Variants in NEB observed in about 807,000 individuals in gnomAD.
The protein encoded by NEB is nemaline myopathy type 2.
In NEB, 512 loss-of-function variants were observed where a neutral mutation model predicts 952.2. The observed-to-expected ratio is 0.54, with a 90% confidence interval of 0.50 to 0.58. The LOEUF is 0.58. Among genes scored for constraint, NEB ranks in the 20% least tolerant of loss-of-function variants. The probability of loss-of-function intolerance (pLI) is 0.00; values close to 1 mark genes in which losing one functional copy is unlikely to be tolerated. For synonymous variants in NEB, 2,900 were observed against 3,149.8 expected (o/e 0.92, Z 2.66); for missense variants, 8,428 against 9,231.1 (o/e 0.91, Z 3.56).
intron 176 of NEB, chr2:151,492,744 TG>T: frequency 3.2e-6 from 1 of 307,710 alleles, no homozygotes; most frequent in Non-Finnish European, 6.0e-6. Flanking sequence ...GGTATAATTT[TG>T]AAAAGAGAGT....
Position 151,677,785 on chromosome 2 carries a change from G to C in NEB, c.3568-14C>G. 6.2e-7 allele frequency: 1 copy of C among 1,613,814 alleles called. No homozygotes were observed. The highest frequency in any genetic ancestry group is 2.2e-5 in the East Asian group (1 of 44,882). ...CTTGTAGACGTTCTACAGCAATGGA[G>C]AAAAGAGGAGTGAGGGCCTAGGACA... On this transcript the variant is annotated splice_polypyrimidine_tract_variant and intron_variant, in intron 33 of 181. Transcript: ENST00000397345.
At position 151,642,573 on chromosome 2, in the gene NEB, C is replaced by G; in HGVS notation, c.8373+1G>C. On this transcript the variant is annotated splice_donor_variant, in intron 60 of 181. Coordinates refer to ENST00000397345, the MANE Select transcript of NEB (RefSeq NM_001164508.2). LOFTEE classifies it high-confidence loss of function. ...GCAAATAACTTTCCAAGTATACTTA[C>G]TTCACTTGCAATATCTCTGGAGGCC... 1.2e-6 allele frequency: 2 copies of G among 1,607,158 alleles called. No individual in the cohort carries two copies. Among genetic ancestry groups the G allele is most frequent in the Non-Finnish European group, 1.7e-6 (2 of 1,175,132 alleles).
intron 65 of NEB, among the ~76,000 whole-genome samples, chr2:151,633,368 T>C (rs2098705179): frequency 7.1e-6 from 1 of 141,740 alleles, no homozygotes; most frequent in African/African-American, 2.4e-5. Flanking sequence ...AAAACGTTTC[T>C]TCCTTCCTTA....
At chr2:151,626,194 G>A (rs899875240) in intron 70 of NEB, among the ~76,000 whole-genome samples, 1 of 151,190 alleles carries the variant, frequency 6.6e-6, no homozygotes, top group African/African-American at 2.4e-5. Context: ...GCTCACTGCA[G>A]CCTCAACCTC....
At chr2:151,532,063 G>A in intron 143 of NEB, 167 bp from the exon 144 acceptor site, 1 of 581,312 alleles carries the variant, frequency 1.7e-6, no homozygotes, top group Admixed American at 3.1e-5. Flanking sequence ...AAAGTGAAAT[G>A]GAGTGAGCAG....
intron 10 of NEB, among the ~76,000 whole-genome samples, chr2:151,713,668 G>T (rs561553901): frequency 6.6e-6 from 1 of 152,104 alleles, no homozygotes; most frequent in Non-Finnish European, 1.5e-5. Context: ...TTCCAGTGTC[G>T]CATTCAGGGC....
intron 40 of NEB, among the ~76,000 whole-genome samples, chr2:151,666,864 T>C (rs544625291): frequency 3.7e-4 from 56 of 152,184 alleles, no homozygotes; most frequent in African/African-American, 1.3e-3. Flanking sequence ...GTCTGGTCAA[T>C]GTATGCTTTT....
intron 173 of NEB, chr2:151,494,891 G>A (rs561551965): frequency 3.3e-5 from 5 of 152,664 alleles, no homozygotes; most frequent in African/African-American, 7.2e-5. Context: ...CTTGTGATCC[G>A]CCCACCTTGG....
In NEB at chr2:151,727,897, T is replaced by C; in HGVS notation, c.88A>G (p.Lys30Glu). The C allele has an allele frequency of 6.2e-7, 1 of 1,612,970 alleles. No homozygotes were observed. Among genetic ancestry groups the C allele is most frequent in the Non-Finnish European group, 8.5e-7 (1 of 1,179,462 alleles). The change falls in exon 5 of 182, where the codon AAA becomes GAA. Residue 30 changes from lysine to glutamate, a missense_variant. Around this residue, in one of 11 missense-constraint regions of NEB, gnomAD observed 2,851 missense variants for 2,791.5 expected, o/e 1.02. Transcript: ENST00000397345. ...YEEVPGETIT[K>E]IYETTTTRTS... ...CTTGTTGTCGTAGTCTCATAAATTT[T>C]TGTTATTGTCTGAAAATTTGATATG...
intron 128 of NEB, 37 bp from the exon 129 acceptor site, chr2:151,551,882 A>C: frequency 6.8e-7 from 1 of 1,464,892 alleles, no homozygotes; most frequent in Non-Finnish European, 9.5e-7. Context: ...AGCAAAGAGA[A>C]TGGGAACCCA....
At chr2:151,704,702 C>T (rs1364994228) in intron 13 of NEB, among the ~76,000 whole-genome samples, 3 of 152,216 alleles carry the variant, frequency 2.0e-5, no homozygotes, top group African/African-American at 7.2e-5. Context: ...GAGGCAATGC[C>T]TCGCCCTGCT....
chr2:151,498,937 A>G (rs1291473917), intron 169 of NEB, among the ~76,000 whole-genome samples: 5 of 152,194 alleles, frequency 3.3e-5, no homozygotes, highest in African/African-American at 9.6e-5. Flanking sequence ...CAGTAGAGAT[A>G]GAAAAGGTTA....
rs764355001 is a variant in NEB at position 151,690,778 on chromosome 2, A to G, written c.2259T>C (p.Thr753=). Reference sequence around the variant, plus strand: ...GGGCTTGCAACAGTACAGGAGAATCAGTGACTGCCGTGAATTTGGTCTTAT... The same window carrying G: ...GGGCTTGCAACAGTACAGGAGAATCGGTGACTGCCGTGAATTTGGTCTTAT... ...HPDKTKFTAV[T]DSPVLLQAQL... Residue 753 remains threonine, a synonymous_variant, in exon 24 of 182, where the codon ACT becomes ACC. Transcript: ENST00000397345. 2.5e-6 allele frequency: 4 copies of G among 1,599,266 alleles called. No individual in the cohort carries two copies. Among genetic ancestry groups the G allele is most frequent in the South Asian group, 2.3e-5 (2 of 87,808 alleles).
chr2:151,615,091 C>G (rs1182196923), intron 76 of NEB, among the ~76,000 whole-genome samples: 1 of 152,176 alleles, frequency 6.6e-6, no homozygotes, highest in African/African-American at 2.4e-5. Flanking sequence ...AGCCTGTCAA[C>G]ATCACTGAAC....
chr2:151,609,699 C>T (rs2097870073), intron 81 of NEB, 110 bp downstream of exon 81: 17 of 998,234 alleles, frequency 1.7e-5, no homozygotes, highest in East Asian at 1.5e-4. Flanking sequence ...AGCCCCACCC[C>T]CAGGTTTGTG....
Position 151,656,160 on chromosome 2 carries a change from T to C in NEB, c.6488A>G (p.Gln2163Arg), listed in dbSNP as rs200813844. ...AGTAGAAGAAAGCCTTACATCACTC[T>C]GTATGCGATTCATATTCCTGGTCAG... is the stretch of plus-strand genomic sequence containing the variant. ...IELTRNMNRI[Q>R]SDNEYKQDYN... Residue 2163 changes from glutamine to arginine, a missense_variant, in exon 49 of 182, where the codon CAG becomes CGG. Coordinates refer to ENST00000397345, the MANE Select transcript of NEB (RefSeq NM_001164508.2). 136 of 1,588,710 alleles carry C rather than the reference T, an allele frequency of 8.6e-5. No homozygotes were observed. The highest frequency in any genetic ancestry group is 1.0e-4 in the Non-Finnish European group (122 of 1,166,220).
At chr2:151,637,456 T>C (rs1452528503) in intron 63 of NEB, among the ~76,000 whole-genome samples, 2 of 152,036 alleles carry the variant, frequency 1.3e-5, no homozygotes, top group Non-Finnish European at 2.9e-5. Flanking sequence ...TTCTAAGAAG[T>C]TGGTGTTTAA....
chr2:151,539,816 A>G (rs1424408962), intron 138 of NEB, among the ~76,000 whole-genome samples: 1 of 152,232 alleles, frequency 6.6e-6, no homozygotes, highest in East Asian at 1.9e-4. Flanking sequence ...TCTATATGCA[A>G]TTAAGAGAAA....
intron 41 of NEB, 112 bp downstream of exon 41, chr2:151,665,978 G>T: frequency 8.8e-7 from 1 of 1,132,150 alleles, no homozygotes; most frequent in Non-Finnish European, 1.2e-6. Flanking sequence ...CTGAGTTCTG[G>T]AGGGAATCCT....
Sources: allele counts gnomAD v4.1 joint callset (sites outside exome capture counted in the v4.1 genomes callset), GRCh38; gene constraint gnomAD v4.1.1; regional missense constraint gnomAD v4.1.1; transcripts MANE v1.5; gene names NCBI Gene and HGNC (gene_info 2026-07-23, HGNC 2026-07-21).